The following TEP1 variants were observed in gnomAD, a reference collection of about 807,000 sequenced individuals.
TEP1 encodes telomerase associated protein 1, also known as telomerase protein component 1.
A neutral mutation model predicts 306.3 loss-of-function variants in TEP1; 241 were observed. The observed-to-expected ratio is 0.79, with a 90% CI of 0.71 to 0.88. The LOEUF is 0.88. Ranked by LOEUF, TEP1 falls within the 40% of genes least tolerant of loss-of-function variation. The pLI, the probability that TEP1 is intolerant of heterozygous loss-of-function variation, is 0.00. For synonymous variants in TEP1, 1,289 were observed against 1,305.5 expected (o/e 0.99, Z 0.27); for missense variants, 3,051 against 3,276.1 (o/e 0.93, Z 1.68).
In TEP1 at chr14:20,381,378, C is replaced by T. The variant is rs371466757; in HGVS notation, c.4582G>A (p.Ala1528Thr). 9.9e-6 allele frequency: 16 copies of T among 1,614,010 alleles called. No homozygotes were observed. The highest frequency in any genetic ancestry group is 1.7e-5 in the Admixed American group (1 of 60,002). ...CTTCGGAAGGTGCCTGAGGCATCAG[C>T]GTCACATGTCTTCCAGAGCTGAGCT... is the stretch of plus-strand genomic sequence containing the variant. ...IAAQLWKTCD[A>T]DASGTFRSCP... is the part of the protein sequence containing the mutation. Residue 1528 changes from alanine (A) to threonine (T), a missense_variant, in exon 32 of 55, where the codon GCT becomes ACT. Physicochemically the swap from Ala to Thr is moderately conservative, Grantham distance 58. Coordinates refer to ENST00000262715, the MANE Select transcript of TEP1 (RefSeq NM_007110.5). This position sits in a 1 kb window ranked among gnomAD's most constrained non-coding sequence, Gnocchi z 4.0.
chr14:20,384,388 G>A lies in TEP1; in HGVS notation c.3339+3C>T, dbSNP rs1876924928. 12 of 1,613,896 alleles carry A rather than the reference G, an allele frequency of 7.4e-6. No homozygotes were observed. Among genetic ancestry groups the A allele is most frequent in the African/African-American group, 1.3e-5 (1 of 74,878 alleles). On this transcript the variant is annotated splice_donor_region_variant and intron_variant, in intron 23 of 54. Coordinates refer to ENST00000262715, the MANE Select transcript of TEP1 (RefSeq NM_007110.5). ...GCCTCTGGTCACCAGTGCTTCTGCTGACCTGCAGGTAGAGCTTCTGGATCA... is the reference window on the plus strand; with the variant it reads ...GCCTCTGGTCACCAGTGCTTCTGCTAACCTGCAGGTAGAGCTTCTGGATCA...
intron 8 of TEP1, 84 bp downstream of exon 8, chr14:20,401,373 A>C: frequency 1.9e-6 from 3 of 1,566,644 alleles, no homozygotes; most frequent in Non-Finnish European, 2.6e-6. Flanking sequence ...GCTGGGTTTG[A>C]GAACTACTGG....
intron 16 of TEP1, 56 bp downstream of exon 16, chr14:20,389,554 G>A: frequency 6.2e-7 from 1 of 1,602,118 alleles, no homozygotes; most frequent in Non-Finnish European, 8.5e-7. Flanking sequence ...CAGGCGTAGA[G>A]AGGAAATGTA....
At chr14:20,410,948 A>G (rs983513959) in intron 1 of TEP1, among the ~76,000 whole-genome samples, 1 of 151,396 alleles carries the variant, frequency 6.6e-6, no homozygotes, top group African/African-American at 2.4e-5. Context: ...CAGCCCCCCA[A>G]GTAGCTGGGA....
intron 35 of TEP1, among the ~76,000 whole-genome samples, chr14:20,379,632 G>A (rs538242871): frequency 7.2e-5 from 11 of 152,268 alleles, no homozygotes; most frequent in African/African-American, 2.4e-4. Context: ...CTATGTTTTG[G>A]TTCCTTTTTT....
intron 2 of TEP1, among the ~76,000 whole-genome samples, chr14:20,407,151 A>G (rs1332368887): frequency 6.6e-6 from 1 of 152,206 alleles, no homozygotes; most frequent in East Asian, 1.9e-4. Flanking sequence ...AGGCATGTAG[A>G]TGTGTAAAAG....
chr14:20,384,473 C>T lies in TEP1; in HGVS notation c.3257G>A (p.Arg1086Gln), dbSNP rs746895844. ...CTCCTCCAGCCCGCCAACATAGGGC[C>T]GGCCAGCTGCCACACCCCCCCACTC... ...PCEWGGVAAGRPYVGGLEEFG... is the reference protein window; with the variant it reads ...PCEWGGVAAGQPYVGGLEEFG... Residue 1086 changes from arginine (R) to glutamine (Q), a missense_variant, in exon 23 of 55, where the codon CGG becomes CAG. Transcript: ENST00000262715. The T allele has an allele frequency of 3.0e-5, 48 of 1,614,006 alleles. No individual in the cohort carries two copies. The highest frequency in any genetic ancestry group is 1.6e-4 in the Middle Eastern group (1 of 6,082).
intron 24 of TEP1, 39 bp from the exon 25 acceptor site, chr14:20,383,957 C>A (rs766300045): frequency 3.9e-5 from 62 of 1,589,648 alleles, no homozygotes; most frequent in Non-Finnish European, 5.0e-5. Context: ...TCACATTTTA[C>A]ATGCCTGAGC....
chr14:20,380,200 G>A, intron 34 of TEP1, 35 bp downstream of exon 34: 1 of 1,601,900 alleles, frequency 6.2e-7, no homozygotes, highest in Non-Finnish European at 8.5e-7. Context: ...CTTGCTCTCT[G>A]GTGGGCTTAC....
rs1405689879 is a variant in TEP1, at chr14:20,396,684, G to A, written c.1596C>T (p.Asn532=). The change falls in exon 10 of 55, where the codon AAC becomes AAT. Residue 532 remains asparagine (N), a synonymous_variant. Transcript: ENST00000262715. ...PFMAMLRNLC[N]LLRVGISSRH... ...GGGAACTGATTCCAACCCGCAGCAG[G>A]TTGCACAGGTTCCGAAGCATGGCCA... 2 of 1,612,186 alleles carry A rather than the reference G, an allele frequency of 1.2e-6. No individual in the cohort carries two copies. The highest frequency in any genetic ancestry group is 2.2e-5 in the South Asian group (2 of 90,956).
intron 17 of TEP1, 67 bp downstream of exon 17, chr14:20,389,171 G>A (rs903356676): frequency 6.6e-5 from 92 of 1,389,370 alleles, no homozygotes; most frequent in Non-Finnish European, 8.8e-5. Flanking sequence ...AGTGACTGGA[G>A]TAGAGATAAT....
In TEP1 at chr14:20,377,508, G is replaced by A; in HGVS notation, c.5876-16C>T. 1 of 1,612,856 alleles carries A rather than the reference G, an allele frequency of 6.2e-7. No homozygotes were observed. The highest frequency in any genetic ancestry group is 2.2e-5 in the East Asian group (1 of 44,850). Reference sequence around the variant, plus strand: ...CCCTGGGAACCTAGAGAATGAGAGAGAACAAGGGAGTAAGACACTTGGGAA... The same window carrying A: ...CCCTGGGAACCTAGAGAATGAGAGAAAACAAGGGAGTAAGACACTTGGGAA... On this transcript the variant is annotated splice_polypyrimidine_tract_variant and intron_variant, in intron 40 of 54. Coordinates refer to ENST00000262715, the MANE Select transcript of TEP1 (RefSeq NM_007110.5).
rs1566458846 is a variant in TEP1 at position 20,384,632 on chromosome 14, G to A, written c.3189C>T (p.Tyr1063=). 1 of 1,613,988 alleles carries A rather than the reference G, an allele frequency of 6.2e-7. No homozygotes were observed. The highest frequency in any genetic ancestry group is 8.5e-7 in the Non-Finnish European group (1 of 1,180,020). The change falls in exon 22 of 55, where the codon TAC becomes TAT. Residue 1063 remains tyrosine, a synonymous_variant. Transcript: ENST00000262715. Reference sequence around the variant, plus strand: ...AGGTGATCCCTTTCTGTCTGCTTAGGTAGCTCTTCAGTTCTGAGATCCGAC... The same window carrying A: ...AGGTGATCCCTTTCTGTCTGCTTAGATAGCTCTTCAGTTCTGAGATCCGAC... ...AARRISELKS[Y]LSRQKGITCR...
At position 20,372,760 on chromosome 14, in the gene TEP1, C is replaced by T. The variant is rs769849116; in HGVS notation, c.7049G>A (p.Arg2350Gln). ...EKISEWQVKL[R>Q]KGSAPGNLSL... The stretch of plus-strand genomic sequence containing the variant: ...CAAATTTCCGGGTGCCGAACCCTTC[C>T]GCAGTTTCACTTGCCACTCGCTGAT... The change falls in exon 49 of 55, where the codon CGG becomes CAG. Residue 2350 changes from arginine to glutamine, a missense_variant. Physicochemically the swap from Arg to Gln is conservative, Grantham distance 43. Coordinates refer to ENST00000262715, the MANE Select transcript of TEP1 (RefSeq NM_007110.5). 5.2e-5 allele frequency: 84 copies of T among 1,614,088 alleles called. No homozygotes were observed. Among genetic ancestry groups the T allele is most frequent in the Middle Eastern group, 3.3e-4 (2 of 6,060 alleles).
chr14:20,369,552 G>A lies in TEP1; in HGVS notation c.7448C>T (p.Ser2483Phe), dbSNP rs1447132037. 7 of 1,614,124 alleles carry A rather than the reference G, an allele frequency of 4.3e-6. No homozygotes were observed. The highest frequency in any genetic ancestry group is 5.1e-6 in the Non-Finnish European group (6 of 1,180,032). Residue 2483 changes from serine to phenylalanine, a missense_variant, in exon 53 of 55, where the codon TCT (serine) becomes TTT (phenylalanine). Around this residue, in one of 3 missense-constraint regions of TEP1, gnomAD observed 1,540 missense variants for 1,705.9 expected, o/e 0.90. Coordinates refer to ENST00000262715, the MANE Select transcript of TEP1 (RefSeq NM_007110.5). ...ESESSFLCAS[S>F]DGILWNLAKC... Reference sequence around the variant, plus strand: ...GGCCAGGTTCCATAGGATCCCATCAGAGCTGGCACACAAAAATGAGGACTC... The same window carrying A: ...GGCCAGGTTCCATAGGATCCCATCAAAGCTGGCACACAAAAATGAGGACTC...
At position 20,405,968 on chromosome 14, in the gene TEP1, T is replaced by C. The variant is rs562385164; in HGVS notation, c.735+265A>G. 5.3e-4 allele frequency among the ~76,000 whole-genome samples: 73 copies of C among 137,746 alleles called. 1 individual carries two copies. The South Asian group carries it at 0.016, about 31-fold the overall frequency. The allele number at this position is 137,746 out of a possible 152,430, so 90.4% of individuals were successfully genotyped here. ...CAGAGGTTGCAATGAGCTGAGATTATGCCATTGCACTCCAACCTAGGTGAC... is the reference window on the plus strand; with the variant it reads ...CAGAGGTTGCAATGAGCTGAGATTACGCCATTGCACTCCAACCTAGGTGAC... On this transcript the variant is annotated intron_variant, in intron 3 of 54. Transcript: ENST00000262715.
intron 7 of TEP1, 80 bp downstream of exon 7, chr14:20,403,297 C>T: frequency 6.5e-7 from 1 of 1,543,534 alleles, no homozygotes; most frequent in Non-Finnish European, 8.8e-7. Context: ...TATTTTCAAC[C>T]CTAATAGAAT....
intron 12 of TEP1, among the ~76,000 whole-genome samples, chr14:20,393,892 G>A (rs1877953439): frequency 6.6e-6 from 1 of 151,896 alleles, no homozygotes; most frequent in Admixed American, 6.6e-5. Flanking sequence ...TTTGAAACCA[G>A]CCTGGGTAAC....
intron 7 of TEP1, 103 bp from the exon 8 acceptor site, chr14:20,401,684 A>C (rs1015273836): frequency 1.3e-6 from 2 of 1,499,236 alleles, no homozygotes; most frequent in Non-Finnish European, 1.8e-6. Flanking sequence ...CTATGTGGTA[A>C]TTTCTTTCTT....
Sources: allele counts gnomAD v4.1 joint callset (sites outside exome capture counted in the v4.1 genomes callset), GRCh38; gene constraint gnomAD v4.1.1; regional missense constraint gnomAD v4.1.1; non-coding constraint Gnocchi (gnomAD v3.1); transcripts MANE v1.5; gene names NCBI Gene and HGNC (gene_info 2026-07-23, HGNC 2026-07-21).